The following WWOX variants were observed in gnomAD, a reference collection of about 807,000 sequenced individuals.
WWOX encodes WW domain containing oxidoreductase, also known as WW domain-containing oxidoreductase.
Under a neutral mutation model 46.2 loss-of-function variants are expected in WWOX, and 69 were observed. The observed-to-expected ratio is 1.49, with a 90% confidence interval of 1.23 to 1.82. WWOX has a LOEUF of 1.82. Among genes scored for constraint, WWOX ranks in the 40% most tolerant of loss-of-function variants. WWOX has a pLI of 0.00. For missense variants in WWOX, 919 were observed against 542.6 expected, an observed-to-expected ratio of 1.69 and a Z score of -6.89; for synonymous variants, 359 against 202.6, an observed-to-expected ratio of 1.77 and a Z score of -6.56.
chr16:78,986,731 T>G (rs996915661), intron 8 of WWOX, among the ~76,000 whole-genome samples: 1 of 152,216 alleles, frequency 6.6e-6, no homozygotes, highest in Non-Finnish European at 1.5e-5. Flanking sequence ...ATGCACATGT[T>G]GAAACATCTT....
chr16:78,375,700 A>C (rs933725638), intron 5 of WWOX, among the ~76,000 whole-genome samples: 1 of 152,180 alleles, frequency 6.6e-6, no homozygotes, highest in African/African-American at 2.4e-5. Context: ...TAGTGAGTCT[A>C]CTTCCAGGAA....
intron 8 of WWOX, among the ~76,000 whole-genome samples, chr16:78,876,637 A>T (rs1236524191): frequency 6.6e-6 from 1 of 151,998 alleles, no homozygotes; most frequent in Non-Finnish European, 1.5e-5. Context: ...TTCTCTAGAG[A>T]TCTCTAAAAG....
intron 8 of WWOX, among the ~76,000 whole-genome samples, chr16:78,688,195 A>G (rs987001580): frequency 7.2e-5 from 11 of 151,812 alleles, no homozygotes. Flanking sequence ...TGTGTAGATA[A>G]AAGTGACAAG....
chr16:78,608,880 G>A (rs927073419), intron 8 of WWOX, among the ~76,000 whole-genome samples: 3 of 152,090 alleles, frequency 2.0e-5, no homozygotes, highest in Admixed American at 6.5e-5. Context: ...CCAAATCTGG[G>A]CACATGAATG....
rs113728576 is a variant in WWOX at position 78,329,892 on chromosome 16, G to A, written c.517-56968G>A. ...CTCCCAAGTAGCTGGGACTACAGGC[G>A]TGTACCACCATGACCAGCTAATCTT... On this transcript the variant is annotated intron_variant, in intron 5 of 8. Coordinates refer to ENST00000566780, the MANE Select transcript of WWOX (RefSeq NM_016373.4). 1.4e-3 allele frequency among the ~76,000 whole-genome samples: 206 copies of A among 151,910 alleles called. 1 individual carries two copies. Among genetic ancestry groups the A allele is most frequent in the African/African-American group, 4.6e-3 (190 of 41,442 alleles).
At chr16:78,793,976 G>A (rs1168460895) in intron 8 of WWOX, among the ~76,000 whole-genome samples, 1 of 152,142 alleles carries the variant, frequency 6.6e-6, no homozygotes, top group Non-Finnish European at 1.5e-5. Flanking sequence ...AAAGACCCAT[G>A]CCATATAGCA....
chr16:79,114,115 T>G (rs548024290), intron 8 of WWOX, among the ~76,000 whole-genome samples: 2 of 152,294 alleles, frequency 1.3e-5, no homozygotes, highest in Middle Eastern at 3.4e-3. Context: ...GAGCCAGGAT[T>G]TGAACCCAGA....
intron 5 of WWOX, among the ~76,000 whole-genome samples, chr16:78,171,388 A>G (rs926716369): frequency 1.3e-5 from 2 of 152,152 alleles, no homozygotes; most frequent in Admixed American, 6.5e-5. Flanking sequence ...AATTCCATGC[A>G]ATCTCCTTTG....
intron 6 of WWOX, among the ~76,000 whole-genome samples, chr16:78,407,581 C>T (rs966579250): frequency 6.6e-6 from 1 of 152,190 alleles, no homozygotes; most frequent in Admixed American, 6.5e-5. Flanking sequence ...AAGCACCTTT[C>T]TCATCTCAGG....
intron 8 of WWOX, among the ~76,000 whole-genome samples, chr16:78,600,182 C>G (rs376238021): frequency 6.6e-6 from 1 of 152,072 alleles, no homozygotes; most frequent in Non-Finnish European, 1.5e-5. Flanking sequence ...AAGACTTGCC[C>G]TCATGATTCA....
At chr16:79,066,179 C>A (rs1883997415) in intron 8 of WWOX, among the ~76,000 whole-genome samples, 1 of 152,172 alleles carries the variant, frequency 6.6e-6, no homozygotes, top group Non-Finnish European at 1.5e-5. Context: ...CTTCCTAAAT[C>A]ACTCCCCTCC....
chr16:78,505,373 G>A (rs1033813803), intron 8 of WWOX, among the ~76,000 whole-genome samples: 1 of 152,104 alleles, frequency 6.6e-6, no homozygotes, highest in Non-Finnish European at 1.5e-5. Context: ...ATAAAGTTCG[G>A]GTCCACCAGG....
intron 8 of WWOX, among the ~76,000 whole-genome samples, chr16:78,916,956 G>A (rs1439294611): frequency 1.3e-5 from 2 of 152,152 alleles, no homozygotes; most frequent in Admixed American, 1.3e-4. Flanking sequence ...TAAGGACCTG[G>A]TTCCCCTCTT....
At chr16:79,187,035 C>T (rs1414897966) in intron 8 of WWOX, among the ~76,000 whole-genome samples, 3 of 152,080 alleles carry the variant, frequency 2.0e-5, no homozygotes, top group Admixed American at 6.5e-5. Context: ...AGAAAACACC[C>T]TAAATGTGCA....
At chr16:78,657,235 T>C (rs1125670) in intron 8 of WWOX, among the ~76,000 whole-genome samples, 97,365 of 151,784 alleles carry the variant, frequency 0.64, 31,755 homozygotes, top group Middle Eastern at 0.7. Flanking sequence ...CCCTTTTGTT[T>C]TCATTGCCAC....
At chr16:78,485,605 C>A (rs1216249905) in intron 8 of WWOX, among the ~76,000 whole-genome samples, 1 of 152,172 alleles carries the variant, frequency 6.6e-6, no homozygotes, top group Non-Finnish European at 1.5e-5. Flanking sequence ...TGTCTCACAG[C>A]ACGCATTTGT....
chr16:78,765,708 G>A (rs572278281), intron 8 of WWOX, among the ~76,000 whole-genome samples: 2 of 152,270 alleles, frequency 1.3e-5, no homozygotes, highest in East Asian at 3.9e-4. Flanking sequence ...TCACAGCAAA[G>A]GTGAGCTTTA....
intron 8 of WWOX, among the ~76,000 whole-genome samples, chr16:78,646,428 T>G (rs1331871744): frequency 6.6e-6 from 1 of 152,194 alleles, no homozygotes; most frequent in South Asian, 2.1e-4. Flanking sequence ...GCAATTTATA[T>G]ATTTTAATTT....
intron 8 of WWOX, among the ~76,000 whole-genome samples, chr16:78,841,370 T>G (rs144991653): frequency 1.3e-5 from 2 of 152,344 alleles, no homozygotes; most frequent in African/African-American, 4.8e-5. Context: ...AGACATGCCC[T>G]TAGCGAGCAG....
Sources: allele counts gnomAD v4.1 joint callset (sites outside exome capture counted in the v4.1 genomes callset), GRCh38; gene constraint gnomAD v4.1.1; transcripts MANE v1.5; gene names NCBI Gene and HGNC (gene_info 2026-07-23, HGNC 2026-07-21).